Variants in GPC6 observed in about 807,000 individuals in gnomAD.
GPC6 encodes glypican-6.
A neutral mutation model predicts 55.2 loss-of-function variants in GPC6; 14 were observed. The ratio of observed to expected loss-of-function variants is 0.25; its 90% confidence interval spans 0.17 to 0.40. The LOEUF is 0.40. Ranked by LOEUF, GPC6 falls within the 10% of genes least tolerant of loss-of-function variation. The pLI is 1.00. For missense variants in GPC6, 641 were observed against 708.5 expected (o/e 0.90, Z 1.08); for synonymous variants, 278 against 259.6 (o/e 1.07, Z -0.68).
chr13:93,614,984 T>C (rs1878653862), intron 2 of GPC6, among the ~76,000 whole-genome samples: 2 of 152,182 alleles, frequency 1.3e-5, no homozygotes, highest in East Asian at 3.8e-4. Flanking sequence ...TTAGCCATCA[T>C]GATATCATGG....
At chr13:93,560,061 A>G (rs1296377716) in intron 2 of GPC6, among the ~76,000 whole-genome samples, 1 of 152,178 alleles carries the variant, frequency 6.6e-6, no homozygotes, top group Non-Finnish European at 1.5e-5. Context: ...TCAGAACTCA[A>G]TAAAAACAGT....
chr13:94,269,595 G>A (rs954499993), intron 4 of GPC6, among the ~76,000 whole-genome samples: 1 of 152,166 alleles, frequency 6.6e-6, no homozygotes, highest in African/African-American at 2.4e-5. Context: ...GCTTGTGTTT[G>A]CTTCCGTGGG....
chr13:93,701,427 TGA>T (rs1307536874), intron 2 of GPC6, among the ~76,000 whole-genome samples: 2 of 152,068 alleles, frequency 1.3e-5, no homozygotes, highest in Admixed American at 6.6e-5. Flanking sequence ...ATCTGAGCAC[TGA>T]GAGAGTTTTA....
rs888903878 is a variant in GPC6, at chr13:94,404,066, A to G, written c.*849A>G. 1 of 152,174 alleles carries G rather than the reference A, an allele frequency of 6.6e-6. No individual in the cohort carries two copies. Among genetic ancestry groups the G allele is most frequent in the South Asian group, 2.1e-4 (1 of 4,822 alleles). The allele number at this position is 152,174 out of a possible 1,614,324, so 9.4% of individuals were successfully genotyped here. Reference sequence around the variant, plus strand: ...CAATTCACCTTCCTCAAGAGTCTCAATTGAAAATAATCTTTGATGATACAA... The same window carrying G: ...CAATTCACCTTCCTCAAGAGTCTCAGTTGAAAATAATCTTTGATGATACAA... On this transcript the variant is annotated 3_prime_UTR_variant, in exon 9 of 9. Coordinates refer to ENST00000377047, the MANE Select transcript of GPC6 (RefSeq NM_005708.5).
intron 3 of GPC6, among the ~76,000 whole-genome samples, chr13:93,855,790 ATGCTTATTTGCCATTTGTT>A (rs1367678445): frequency 2.0e-5 from 3 of 151,592 alleles, no homozygotes; most frequent in Non-Finnish European, 4.4e-5. Flanking sequence ...ATCTTTTCGT[ATGCTTATTTGCCATTTGTT>A]TGCTTATTTG....
chr13:93,448,623 G>A (rs1224088728), intron 1 of GPC6, among the ~76,000 whole-genome samples: 1 of 152,294 alleles, frequency 6.6e-6, no homozygotes, highest in East Asian at 1.9e-4. Flanking sequence ...TAGGAGACTT[G>A]CCTCTGTAAA....
intron 6 of GPC6, among the ~76,000 whole-genome samples, chr13:94,334,276 C>T (rs2139146384): frequency 6.6e-6 from 1 of 152,292 alleles, no homozygotes; most frequent in East Asian, 1.9e-4. Flanking sequence ...CGTTTATTTA[C>T]AAAGCAGCAG....
intron 4 of GPC6, among the ~76,000 whole-genome samples, chr13:94,175,308 A>G (rs893195603): frequency 1.2e-4 from 18 of 152,188 alleles, no homozygotes; most frequent in African/African-American, 4.3e-4. Flanking sequence ...TTTGTAGCAC[A>G]ATAGCAGCCA....
chr13:94,292,082 A>G (rs957889526), intron 5 of GPC6, among the ~76,000 whole-genome samples: 24 of 152,172 alleles, frequency 1.6e-4, no homozygotes, highest in African/African-American at 4.6e-4. Flanking sequence ...AGTGTTTTAC[A>G]TGGTTTCTAT....
chr13:93,380,011 C>A (rs961247285), intron 1 of GPC6, among the ~76,000 whole-genome samples: 1 of 148,772 alleles, frequency 6.7e-6, no homozygotes, highest in African/African-American at 2.5e-5. Context: ...CATCTCTTAG[C>A]AGGGGTAAGG....
intron 2 of GPC6, among the ~76,000 whole-genome samples, chr13:93,599,286 TAAA>T (rs66801721): frequency 5.4e-4 from 75 of 139,372 alleles, no homozygotes; most frequent in East Asian, 1.3e-3. Flanking sequence ...CAAATATTGG[TAAA>T]AAAAAAAAAA....
At chr13:94,350,723 G>A (rs757115361) in intron 6 of GPC6, among the ~76,000 whole-genome samples, 3 of 152,118 alleles carry the variant, frequency 2.0e-5, no homozygotes, top group African/African-American at 4.8e-5. Flanking sequence ...TCTTCCAGCT[G>A]TGTGCAGAAT....
Position 93,265,487 on chromosome 13 carries a change from G to A in GPC6, c.160+37871G>A, listed in dbSNP as rs576102474. Among the ~76,000 whole-genome samples, 207 of 152,282 alleles carry A rather than the reference G, an allele frequency of 1.4e-3. 1 individual carries two copies. Among genetic ancestry groups the A allele is most frequent in the Non-Finnish European group, 2.5e-3 (171 of 68,030 alleles). ...TTCATGCACAAAATTATTAAAAGTC[G>A]TATTTAAAATTACCTTCAGCCTGTG... On this transcript the variant is annotated intron_variant, in intron 1 of 8. Transcript: ENST00000377047.
chr13:93,410,060 A>G (rs747716498), intron 1 of GPC6, among the ~76,000 whole-genome samples: 1 of 152,182 alleles, frequency 6.6e-6, no homozygotes, highest in Non-Finnish European at 1.5e-5. Flanking sequence ...TTGATATTCA[A>G]GCTGGGGCTG....
At chr13:94,400,918 C>T (rs1881104086) in intron 8 of GPC6, among the ~76,000 whole-genome samples, 1 of 152,146 alleles carries the variant, frequency 6.6e-6, no homozygotes, top group African/African-American at 2.4e-5. Context: ...GAAACGGAGC[C>T]TCAGTAAGTC....
At chr13:93,256,223 A>C (rs1876949320) in intron 1 of GPC6, among the ~76,000 whole-genome samples, 1 of 151,912 alleles carries the variant, frequency 6.6e-6, no homozygotes, top group African/African-American at 2.4e-5. Context: ...TGCTAAAACA[A>C]TTATGTTTCC....
At chr13:94,095,827 T>C (rs1463928674) in intron 4 of GPC6, among the ~76,000 whole-genome samples, 3 of 152,132 alleles carry the variant, frequency 2.0e-5, no homozygotes. Flanking sequence ...CGACCTATTA[T>C]GGTAAATAGA....
intron 3 of GPC6, among the ~76,000 whole-genome samples, chr13:93,890,716 A>ATTTT (rs35783811): frequency 4.0e-5 from 5 of 125,376 alleles, no homozygotes; most frequent in South Asian, 2.6e-4. Context: ...ATTTTACTTA[A>ATTTT]TTTTTTTTTT....
chr13:93,524,683 GAGAA>G (rs1277125354), intron 1 of GPC6, among the ~76,000 whole-genome samples: 1 of 152,074 alleles, frequency 6.6e-6, no homozygotes, highest in African/African-American at 2.4e-5. Flanking sequence ...GGTTATTTTA[GAGAA>G]AGATTCATCG....
Sources: gnomAD v4.1 joint callset for allele counts (sites outside exome capture counted in the v4.1 genomes callset) on GRCh38, gnomAD v4.1.1 for gene constraint, MANE v1.5 for transcripts, NCBI Gene and HGNC (gene_info 2026-07-23, HGNC 2026-07-21) for gene names.